Variants in MPHOSPH6 observed in about 807,000 individuals in gnomAD.
The protein encoded by MPHOSPH6 is M-phase phosphoprotein 6.
MPHOSPH6 carries 25 observed loss-of-function variants against 21.8 expected under a neutral mutation model. The observed-to-expected ratio is 1.15, with a 90% CI of 0.83 to 1.60. MPHOSPH6 has a LOEUF of 1.60. Ranked by LOEUF, MPHOSPH6 falls within the 40% of genes most tolerant of loss-of-function variation. The pLI, the probability that MPHOSPH6 is intolerant of heterozygous loss-of-function variation, is 0.00. For synonymous variants in MPHOSPH6, 84 were observed against 56.5 expected, an observed-to-expected ratio of 1.49 and a Z score of -2.18; for missense variants, 269 against 181.8, an observed-to-expected ratio of 1.48 and a Z score of -2.76.
At chr16:82,150,357 T>C (rs966977176) in intron 3 of MPHOSPH6, among the ~76,000 whole-genome samples, 1 of 152,078 alleles carries the variant, frequency 6.6e-6, no homozygotes, top group Non-Finnish European at 1.5e-5. Context: ...CCAGCCCCTC[T>C]CCTTCTCAAT....
chr16:82,156,990 G>A (rs1445937275), intron 2 of MPHOSPH6, among the ~76,000 whole-genome samples: 3 of 152,152 alleles, frequency 2.0e-5, no homozygotes, highest in African/African-American at 4.8e-5. Context: ...GAAGCAGGCT[G>A]CAGTGAGCCG....
At chr16:82,159,394 T>C (rs1906534268) in intron 2 of MPHOSPH6, among the ~76,000 whole-genome samples, 1 of 152,198 alleles carries the variant, frequency 6.6e-6, no homozygotes, top group Non-Finnish European at 1.5e-5. Flanking sequence ...AAAACACTCT[T>C]TAGGTGTTCT....
At chr16:82,149,489 T>C in intron 3 of MPHOSPH6, 86 bp from the exon 4 acceptor site, 1 of 1,114,074 alleles carries the variant, frequency 9.0e-7, no homozygotes, top group Non-Finnish European at 1.4e-6. Context: ...GCAGAGAAAC[T>C]GAAGTCAAAT....
rs1236431887 is a variant in MPHOSPH6, at chr16:82,170,193, G to C, written c.-18C>G. 1 of 1,568,178 alleles carries C rather than the reference G, an allele frequency of 6.4e-7. No homozygotes were observed. Among genetic ancestry groups the C allele is most frequent in the Non-Finnish European group, 8.6e-7 (1 of 1,160,114 alleles). Reference sequence around the variant, plus strand: ...GCCGCCATGGTAGCTTCCGCCCAGCGCCGCACTCCGGCCGCGAGCCTCACC... The same window carrying C: ...GCCGCCATGGTAGCTTCCGCCCAGCCCCGCACTCCGGCCGCGAGCCTCACC... On this transcript the variant is annotated 5_prime_UTR_variant, in exon 1 of 5. Coordinates refer to ENST00000258169, the MANE Select transcript of MPHOSPH6 (RefSeq NM_005792.2).
At chr16:82,163,097 T>G (rs1481660080) in intron 2 of MPHOSPH6, among the ~76,000 whole-genome samples, 4 of 152,214 alleles carry the variant, frequency 2.6e-5, no homozygotes, top group African/African-American at 9.6e-5. Context: ...TGGGACATAC[T>G]TTCTATCTTT....
intron 2 of MPHOSPH6, among the ~76,000 whole-genome samples, chr16:82,162,477 G>A (rs1274537069): frequency 6.6e-6 from 1 of 152,166 alleles, no homozygotes; most frequent in Non-Finnish European, 1.5e-5. Flanking sequence ...CAGGTACCTG[G>A]CTCCCTTGCT....
chr16:82,166,442 C>T (rs774547885), intron 1 of MPHOSPH6, among the ~76,000 whole-genome samples: 2 of 152,228 alleles, frequency 1.3e-5, no homozygotes, highest in Non-Finnish European at 2.9e-5. Context: ...TTTGGTAAGA[C>T]TTCCTGGTTG....
intron 1 of MPHOSPH6, among the ~76,000 whole-genome samples, chr16:82,168,700 G>C (rs1906872650): frequency 6.6e-6 from 1 of 152,084 alleles, no homozygotes; most frequent in Admixed American, 6.5e-5. Flanking sequence ...TCAAACACCT[G>C]GGCTTAAGCG....
intron 2 of MPHOSPH6, among the ~76,000 whole-genome samples, chr16:82,159,044 C>T (rs78080045): frequency 0.12 from 17,929 of 152,228 alleles, 1,298 homozygotes; most frequent in East Asian, 0.29. Flanking sequence ...CTACTACTGA[C>T]TGAGTTTTGG....
rs376214652 is a variant in MPHOSPH6, at chr16:82,166,271, G to A, written c.52-2077C>T. Among the ~76,000 whole-genome samples, 39 of 152,316 alleles carry A rather than the reference G, an allele frequency of 2.6e-4. 1 individual carries two copies. In the South Asian group the frequency reaches 7.0e-3, roughly 28 times the overall value. On this transcript the variant is annotated intron_variant, in intron 1 of 4. Coordinates refer to ENST00000258169, the MANE Select transcript of MPHOSPH6 (RefSeq NM_005792.2). The stretch of plus-strand genomic sequence containing the variant: ...GTTTGCAGACTAGTGTTTTGCAGTC[G>A]TCATCCATTTTACCTGTGTGTACAT...
intron 2 of MPHOSPH6, among the ~76,000 whole-genome samples, chr16:82,152,049 A>G (rs1906281985): frequency 6.6e-6 from 1 of 152,230 alleles, no homozygotes; most frequent in African/African-American, 2.4e-5. Context: ...GGAAAGCAGA[A>G]TAAAGTATGA....
chr16:82,164,199 G>GA lies in MPHOSPH6; in HGVS notation c.52-6dup, dbSNP rs1486085665. On this transcript the variant is annotated splice_polypyrimidine_tract_variant and splice_region_variant and intron_variant, in intron 1 of 4. Transcript: ENST00000258169. ...GTCCAGTCCCCTTTGCATAAACTGTGAAAACAAACAAAATCAATGTCAGAA... is the reference window on the plus strand; with the variant it reads ...GTCCAGTCCCCTTTGCATAAACTGTGAAAAACAAACAAAATCAATGTCAGAA... 1.9e-6 allele frequency: 3 copies of GA among 1,573,306 alleles called. No homozygotes were observed. In the Admixed American group the frequency reaches 5.3e-5, roughly 28 times the overall value.
chr16:82,167,811 C>G (rs1159905259), intron 1 of MPHOSPH6, among the ~76,000 whole-genome samples: 2 of 152,154 alleles, frequency 1.3e-5, no homozygotes, highest in Non-Finnish European at 2.9e-5. Flanking sequence ...GCTCGCTTGC[C>G]TGCCCGCTGC....
intron 2 of MPHOSPH6, among the ~76,000 whole-genome samples, chr16:82,160,458 C>G (rs1053835361): frequency 3.9e-5 from 6 of 152,166 alleles, no homozygotes; most frequent in African/African-American, 1.4e-4. Flanking sequence ...CACTAACTGC[C>G]CGGTTGCTCT....
At chr16:82,169,429 GGAA>G (rs1208206097) in intron 1 of MPHOSPH6, among the ~76,000 whole-genome samples, 1 of 152,180 alleles carries the variant, frequency 6.6e-6, no homozygotes, top group Admixed American at 6.5e-5. Flanking sequence ...TCTTCTCCCT[GGAA>G]GAAGAGGGAG....
intron 3 of MPHOSPH6, among the ~76,000 whole-genome samples, chr16:82,150,658 C>T (rs1567611342): frequency 6.6e-6 from 1 of 152,138 alleles, no homozygotes; most frequent in Non-Finnish European, 1.5e-5. Flanking sequence ...GTGTGTGCTA[C>T]TGATATTTAG....
At chr16:82,168,545 A>C (rs1906866868) in intron 1 of MPHOSPH6, among the ~76,000 whole-genome samples, 1 of 146,800 alleles carries the variant, frequency 6.8e-6, no homozygotes, top group Non-Finnish European at 1.5e-5. Context: ...ATCTCAGCTC[A>C]CTGCAGCCTT....
At chr16:82,154,594 C>G (rs1022382678) in intron 2 of MPHOSPH6, among the ~76,000 whole-genome samples, 1 of 151,274 alleles carries the variant, frequency 6.6e-6, no homozygotes, top group African/African-American at 2.4e-5. Flanking sequence ...AAACAGAAAG[C>G]CTGAATTAAG....
intron 2 of MPHOSPH6, among the ~76,000 whole-genome samples, chr16:82,158,331 A>C (rs921435821): frequency 6.8e-6 from 1 of 147,930 alleles, no homozygotes; most frequent in African/African-American, 2.5e-5. Context: ...TACTAAAAAA[A>C]TACAAAAAAA....
Sources: gnomAD v4.1 joint callset for allele counts (sites outside exome capture counted in the v4.1 genomes callset) on GRCh38, gnomAD v4.1.1 for gene constraint, MANE v1.5 for transcripts, NCBI Gene and HGNC (gene_info 2026-07-23, HGNC 2026-07-21) for gene names.